CNTN1: variants seen among roughly 807,000 people sequenced by gnomAD.
CNTN1 encodes contactin-1.
In CNTN1, 38 loss-of-function variants were observed where a neutral mutation model predicts 126.4. The observed-to-expected ratio is 0.30, with a 90% CI of 0.23 to 0.39. The LOEUF (loss-of-function observed/expected upper bound fraction) is 0.39. Ranked by LOEUF, CNTN1 falls within the 10% of genes least tolerant of loss-of-function variation. The pLI, the probability that CNTN1 is intolerant of heterozygous loss-of-function variation, is 1.00. For synonymous variants in CNTN1, 413 were observed against 422.6 expected, an observed-to-expected ratio of 0.98 and a Z score of 0.28; for missense variants, 1,009 against 1,248.4, an observed-to-expected ratio of 0.81 and a Z score of 2.89.
rs554971814 is a variant in CNTN1 at position 40,837,426 on chromosome 12, C to T, written c.-76-70931C>T. Reference sequence around the variant, plus strand: ...CACATCCAATGGCCCACATCACTATCATGGAATTATGCAGTCCTGACTATA... The same window carrying T: ...CACATCCAATGGCCCACATCACTATTATGGAATTATGCAGTCCTGACTATA... On this transcript the variant is annotated intron_variant, in intron 1 of 23. Transcript: ENST00000551295. 2.6e-5 allele frequency among the ~76,000 whole-genome samples: 4 copies of T among 152,236 alleles called. No homozygotes were observed. In the South Asian group the frequency reaches 8.3e-4, roughly 32 times the overall value.
intron 1 of CNTN1, among the ~76,000 whole-genome samples, chr12:40,859,703 T>A (rs142526088): frequency 1.1e-3 from 161 of 152,220 alleles, no homozygotes; most frequent in African/African-American, 3.7e-3. Flanking sequence ...GGCAAGAATT[T>A]TGAGATCTTA....
At chr12:40,946,956 A>G (rs1247461991) in intron 14 of CNTN1, among the ~76,000 whole-genome samples, 1 of 151,886 alleles carries the variant, frequency 6.6e-6, no homozygotes, top group Non-Finnish European at 1.5e-5. Context: ...TGTCTTCTTT[A>G]TATTTTTTCT....
At chr12:40,928,035 T>A (rs1354414065) in intron 6 of CNTN1, among the ~76,000 whole-genome samples, 1 of 152,084 alleles carries the variant, frequency 6.6e-6, no homozygotes, top group Non-Finnish European at 1.5e-5. Flanking sequence ...TGTATTCACA[T>A]AACCACTGAG....
At chr12:40,749,549 G>GCAGGGCT (rs1156272430) in intron 1 of CNTN1, among the ~76,000 whole-genome samples, 160 of 96,732 alleles carry the variant, frequency 1.7e-3, no homozygotes, top group Middle Eastern at 0.012. Flanking sequence ...CTAGGGTGAG[G>GCAGGGCT]TCATAAAGAA....
chr12:40,757,083 C>A (rs1225060501), intron 1 of CNTN1, among the ~76,000 whole-genome samples: 1 of 152,050 alleles, frequency 6.6e-6, no homozygotes, highest in East Asian at 1.9e-4. Flanking sequence ...GGGCTCTCTT[C>A]CTGATTTGCA....
chr12:40,788,932 G>A (rs1028776298), intron 1 of CNTN1, among the ~76,000 whole-genome samples: 5 of 151,948 alleles, frequency 3.3e-5, no homozygotes, highest in Admixed American at 2.0e-4. Context: ...TCTCGTGTTC[G>A]ATATTCTTAA....
chr12:40,814,135 A>G (rs1341203719), intron 1 of CNTN1, among the ~76,000 whole-genome samples: 3 of 152,146 alleles, frequency 2.0e-5, no homozygotes, highest in Non-Finnish European at 2.9e-5. Flanking sequence ...ATTTTCTCCC[A>G]TTCTGTAGTT....
chr12:41,012,908 G>C (rs533666017), intron 17 of CNTN1, among the ~76,000 whole-genome samples: 1 of 152,144 alleles, frequency 6.6e-6, no homozygotes, highest in African/African-American at 2.4e-5. Flanking sequence ...ATATACCCTG[G>C]GATTCATCAT....
chr12:40,846,936 C>T (rs545568226), intron 1 of CNTN1, among the ~76,000 whole-genome samples: 13 of 152,172 alleles, frequency 8.5e-5, no homozygotes, highest in Admixed American at 2.6e-4. Flanking sequence ...GGTGCGATCT[C>T]GGCTCACTGC....
At chr12:40,797,164 G>A (rs1940469999) in intron 1 of CNTN1, among the ~76,000 whole-genome samples, 1 of 152,048 alleles carries the variant, frequency 6.6e-6, no homozygotes, top group Non-Finnish European at 1.5e-5. Flanking sequence ...GGGTAAGTGA[G>A]ACAAATGTGA....
chr12:40,978,836 C>T (rs1353291293), intron 15 of CNTN1: 1 of 152,068 alleles, frequency 6.6e-6, no homozygotes, highest in Non-Finnish European at 1.5e-5. Flanking sequence ...CTTAAATTCC[C>T]TTTAACGTTT....
At chr12:40,914,630 G>C (rs1945165505) in intron 3 of CNTN1, among the ~76,000 whole-genome samples, 1 of 152,088 alleles carries the variant, frequency 6.6e-6, no homozygotes. Context: ...AGAGCAAAGG[G>C]AAATATCTTA....
rs569041178 is a variant in CNTN1 at position 40,968,451 on chromosome 12, A to G, written c.1804+9217A>G. On this transcript the variant is annotated intron_variant, in intron 15 of 23. Transcript: ENST00000551295. ...AGTTATAATTACAATAGCAAAACCA[A>G]TAAATGAATTGTACTAGATGGCTTG... Among the ~76,000 whole-genome samples, 5 of 152,272 alleles carry G rather than the reference A, an allele frequency of 3.3e-5. No homozygotes were observed. In the South Asian group the frequency reaches 1.0e-3, roughly 32 times the overall value.
chr12:40,827,443 A>G (rs915217078), intron 1 of CNTN1, among the ~76,000 whole-genome samples: 1 of 152,176 alleles, frequency 6.6e-6, no homozygotes, highest in East Asian at 1.9e-4. Flanking sequence ...TCCATATTTT[A>G]TAGCCACATA....
In CNTN1 at chr12:41,016,798, T is replaced by C. The variant is rs760428485; in HGVS notation, c.2301T>C (p.Tyr767=). 9.3e-6 allele frequency: 15 copies of C among 1,614,134 alleles called. No individual in the cohort carries two copies. The South Asian group carries it at 1.5e-4, about 17-fold the overall frequency. Residue 767 remains tyrosine, a synonymous_variant, in exon 19 of 24, where the codon TAT becomes TAC. Transcript: ENST00000551295. ...VTVTNPDTGR[Y]VHKDETMSPS... ...TTACTAATCCTGATACTGGCCGATA[T>C]GTCCATAAAGATGAAACCATGAGCC...
At chr12:40,759,883 G>C (rs1172731388) in intron 1 of CNTN1, among the ~76,000 whole-genome samples, 1 of 150,980 alleles carries the variant, frequency 6.6e-6, no homozygotes, top group African/African-American at 2.4e-5. Flanking sequence ...ATTATAGAAA[G>C]GAAGTCCTGT....
At chr12:40,851,877 A>T (rs1565831981) in intron 1 of CNTN1, among the ~76,000 whole-genome samples, 1 of 152,190 alleles carries the variant, frequency 6.6e-6, no homozygotes, top group Non-Finnish European at 1.5e-5. Flanking sequence ...GTCAGGATTG[A>T]TGGCATTTCA....
chr12:40,863,929 T>C (rs1317097712), intron 1 of CNTN1, among the ~76,000 whole-genome samples: 1 of 142,322 alleles, frequency 7.0e-6, no homozygotes. Context: ...CCTTCCTTCC[T>C]CCCTCCCTCC....
intron 20 of CNTN1, among the ~76,000 whole-genome samples, chr12:41,021,271 G>A (rs1455988191): frequency 6.6e-6 from 1 of 152,032 alleles, no homozygotes; most frequent in African/African-American, 2.4e-5. Flanking sequence ...AAAGTTCGGG[G>A]TTTTATTGCC....
Sources: allele counts gnomAD v4.1 joint callset (sites outside exome capture counted in the v4.1 genomes callset), GRCh38; gene constraint gnomAD v4.1.1; transcripts MANE v1.5; gene names NCBI Gene and HGNC (gene_info 2026-07-23, HGNC 2026-07-21).